Variants in CRK observed in about 807,000 individuals in gnomAD.
CRK encodes CRK proto-oncogene, adaptor protein, also known as adapter molecule crk.
CRK carries 4 observed loss-of-function variants against 29.8 expected under a neutral mutation model. That is an observed-to-expected ratio of 0.13 (90% CI 0.07 to 0.31). The LOEUF is 0.31. Among genes scored for constraint, CRK ranks in the 10% least tolerant of loss-of-function variants. The pLI, the probability that CRK is intolerant of heterozygous loss-of-function variation, is 1.00. For missense variants in CRK, 274 were observed against 396.5 expected (o/e 0.69, Z 2.62); for synonymous variants, 153 against 164.9 (o/e 0.93, Z 0.55).
chr17:1,443,643 C>T (rs939611214), intron 1 of CRK, among the ~76,000 whole-genome samples: 8 of 151,838 alleles, frequency 5.3e-5, no homozygotes, highest in African/African-American at 1.9e-4. Context: ...TCGTGATCCA[C>T]CCACCTCGGC....
At chr17:1,430,798 T>TG (rs1297947875) in intron 2 of CRK, among the ~76,000 whole-genome samples, 3 of 151,270 alleles carry the variant, frequency 2.0e-5, no homozygotes, top group African/African-American at 4.9e-5. Flanking sequence ...CCGGGCGCTG[T>TG]GGCTCATGCC....
intron 2 of CRK, among the ~76,000 whole-genome samples, chr17:1,428,226 C>A (rs890217606): frequency 6.6e-6 from 1 of 150,476 alleles, no homozygotes; most frequent in African/African-American, 2.4e-5. Context: ...TCAAATGATT[C>A]TCCTGCCTCA....
In CRK at chr17:1,431,609, G is replaced by A. The variant is rs998004589; in HGVS notation, c.777+5011C>T. On this transcript the variant is annotated intron_variant, in intron 2 of 2. Transcript: ENST00000300574. ...ACTTGGTGTACTAGTTTTTTTTGAG[G>A]CAGAGTCTCACTCTGTCGCCTAGCC... Among the ~76,000 whole-genome samples, 3 of 151,380 alleles carry A rather than the reference G, an allele frequency of 2.0e-5. No individual in the cohort carries two copies. In the East Asian group the frequency reaches 5.8e-4, roughly 29 times the overall value.
chr17:1,428,979 G>A (rs1449016624), intron 2 of CRK, among the ~76,000 whole-genome samples: 1 of 151,556 alleles, frequency 6.6e-6, no homozygotes, highest in African/African-American at 2.4e-5. Flanking sequence ...CTGAGTAGCT[G>A]GGATTACTGG....
At chr17:1,423,849 C>T (rs61762269) in intron 2 of CRK, among the ~76,000 whole-genome samples, 199 bp from the exon 3 acceptor site, 1,597 of 152,176 alleles carry the variant, frequency 0.01, 32 homozygotes, top group African/African-American at 0.036. Context: ...GTGTTTTTAG[C>T]AGTGTGGAAA....
chr17:1,423,958 G>A (rs1434118736), intron 2 of CRK, among the ~76,000 whole-genome samples: 5 of 152,226 alleles, frequency 3.3e-5, no homozygotes, highest in South Asian at 4.1e-4. Context: ...GTCTCTGCAT[G>A]AGCAATCCCA....
intron 2 of CRK, among the ~76,000 whole-genome samples, chr17:1,429,798 T>C (rs1288502723): frequency 1.3e-5 from 2 of 151,640 alleles, no homozygotes; most frequent in Non-Finnish European, 2.9e-5. Flanking sequence ...CCAGGTACAG[T>C]GGAATGTGCC....
chr17:1,454,358 T>C (rs573630234), intron 1 of CRK, among the ~76,000 whole-genome samples: 18 of 152,296 alleles, frequency 1.2e-4, no homozygotes, highest in African/African-American at 3.4e-4. Context: ...CTGGCCAACC[T>C]GGTGAAACTT....
chr17:1,441,448 C>T (rs1171461422), intron 1 of CRK, among the ~76,000 whole-genome samples: 2 of 152,156 alleles, frequency 1.3e-5, no homozygotes, highest in Non-Finnish European at 2.9e-5. Flanking sequence ...CCCACCTCAG[C>T]CTTCTGAGTA....
intron 2 of CRK, among the ~76,000 whole-genome samples, chr17:1,435,342 C>G (rs898693926): frequency 2.0e-5 from 3 of 151,964 alleles, no homozygotes; most frequent in Non-Finnish European, 4.4e-5. Context: ...ATGAGCCACA[C>G]GCCCAGCCTT....
chr17:1,448,620 CA>C lies in CRK; in HGVS notation c.241+7256del, dbSNP rs1292024313. Among the ~76,000 whole-genome samples the C allele has an allele frequency of 3.5e-3, 113 of 32,368 alleles. 1 individual carries two copies. In the South Asian group the frequency reaches 0.057, roughly 16 times the overall value. 21.2% of individuals were successfully genotyped at this position (32,368 alleles called of 152,430 possible). A position where few individuals can be genotyped will look rare whatever the true frequency, so the allele number is the denominator to read the frequency against. On this transcript the variant is annotated intron_variant, in intron 1 of 2. Coordinates refer to ENST00000300574, the MANE Select transcript of CRK (RefSeq NM_016823.4). ...CCTGGGTGAGAGCAAGACTCCATCT[CA>C]AAAAAAAAAAAAAAAAAAAAAGAAA...
chr17:1,444,000 T>TG (rs2073955230), intron 1 of CRK, among the ~76,000 whole-genome samples: 1 of 151,696 alleles, frequency 6.6e-6, no homozygotes, highest in African/African-American at 2.4e-5. Context: ...CCGCCTGGCC[T>TG]ATTTTTTTTT....
chr17:1,446,266 T>C (rs2073973999), intron 1 of CRK, among the ~76,000 whole-genome samples: 2 of 152,146 alleles, frequency 1.3e-5, no homozygotes, highest in African/African-American at 4.8e-5. Context: ...GGATCTATGT[T>C]CCTGCTAAAG....
intron 2 of CRK, among the ~76,000 whole-genome samples, chr17:1,431,336 C>T (rs1454501384): frequency 8.5e-5 from 13 of 152,146 alleles, no homozygotes. Flanking sequence ...CCAGTAAATG[C>T]AGTTCTTCCT....
rs180803035 is a variant in CRK at position 1,430,065 on chromosome 17, A to G, written c.778-6415T>C. ...AAATGATTTTTTTTTTTTTTTAAAGACAGAGTTTCGCTTTTGTTGCCCAGG... is the reference window on the plus strand; with the variant it reads ...AAATGATTTTTTTTTTTTTTTAAAGGCAGAGTTTCGCTTTTGTTGCCCAGG... On this transcript the variant is annotated intron_variant, in intron 2 of 2. Transcript: ENST00000300574. Among the ~76,000 whole-genome samples the G allele has an allele frequency of 4.9e-3, 735 of 150,238 alleles. 6 individuals carry two copies. The highest frequency in any genetic ancestry group is 0.017 in the African/African-American group (680 of 40,858).
chr17:1,437,298 C>T (rs1230506452), intron 1 of CRK, 143 bp from the exon 2 acceptor site: 1 of 864,770 alleles, frequency 1.2e-6, no homozygotes, highest in Non-Finnish European at 1.7e-6. Flanking sequence ...GTGATCCTCT[C>T]ACCACAAACT....
chr17:1,450,412 G>C (rs879287272), intron 1 of CRK, among the ~76,000 whole-genome samples: 66 of 151,536 alleles, frequency 4.4e-4, no homozygotes, highest in Middle Eastern at 3.2e-3. Flanking sequence ...GAGGCTGAGG[G>C]AGGAGAATGA....
chr17:1,453,992 G>A (rs1043017986), intron 1 of CRK, among the ~76,000 whole-genome samples: 1 of 152,114 alleles, frequency 6.6e-6, no homozygotes, highest in Admixed American at 6.6e-5. Flanking sequence ...CCTGAGATCA[G>A]GAGTTCAAGA....
At chr17:1,437,591 A>G (rs1229056496) in intron 1 of CRK, among the ~76,000 whole-genome samples, 2 of 151,786 alleles carry the variant, frequency 1.3e-5, no homozygotes, top group East Asian at 1.9e-4. Context: ...CTTTCACTGC[A>G]TTCTCCAAAT....
Sources: gnomAD v4.1 joint callset for allele counts (sites outside exome capture counted in the v4.1 genomes callset) on GRCh38, gnomAD v4.1.1 for gene constraint, MANE v1.5 for transcripts, NCBI Gene and HGNC (gene_info 2026-07-23, HGNC 2026-07-21) for gene names.